Variants in IMMP2L observed in about 807,000 individuals in gnomAD.
IMMP2L encodes the protein inner mitochondrial membrane peptidase subunit 2.
IMMP2L carries 18 observed loss-of-function variants against 19.3 expected under a neutral mutation model. The observed-to-expected ratio is 0.93, with a 90% CI of 0.64 to 1.38. The LOEUF is 1.38. Ranked by LOEUF, IMMP2L falls within the 40% of genes most tolerant of loss-of-function variation. The pLI, the probability that IMMP2L is intolerant of heterozygous loss-of-function variation, is 0.00. For missense variants in IMMP2L, 233 were observed against 218.2 expected (o/e 1.07, Z -0.43); for synonymous variants, 76 against 73.0 (o/e 1.04, Z -0.21).
intron 5 of IMMP2L, among the ~76,000 whole-genome samples, chr7:110,666,514 T>C (rs1791468386): frequency 6.6e-6 from 1 of 152,088 alleles, no homozygotes; most frequent in Non-Finnish European, 1.5e-5. Context: ...GACCTCGTGA[T>C]CCACCAGCCT....
At chr7:110,882,287 G>GCCTGCCTTCCTT (rs1387853201) in intron 5 of IMMP2L, among the ~76,000 whole-genome samples, 9 of 122,066 alleles carry the variant, frequency 7.4e-5, no homozygotes, top group African/African-American at 2.7e-4. Context: ...TTTGTCAAGT[G>GCCTGCCTTCCTT]CCTTCCTTCC....
chr7:110,942,984 T>C (rs1816880430), intron 4 of IMMP2L, among the ~76,000 whole-genome samples: 1 of 151,830 alleles, frequency 6.6e-6, no homozygotes, highest in African/African-American at 2.4e-5. Context: ...GACCACACAA[T>C]CTCTGAAATG....
intron 3 of IMMP2L, among the ~76,000 whole-genome samples, chr7:111,116,834 G>A (rs970509424): frequency 1.3e-5 from 2 of 152,150 alleles, no homozygotes; most frequent in Non-Finnish European, 2.9e-5. Context: ...ACCTTTCTGA[G>A]AAGATACCAA....
At chr7:111,470,727 G>A (rs1268525982) in intron 3 of IMMP2L, among the ~76,000 whole-genome samples, 2 of 134,546 alleles carry the variant, frequency 1.5e-5, no homozygotes, top group Non-Finnish European at 3.2e-5. Context: ...ACTGTTGTGG[G>A]GTGGGGGGGA....
chr7:111,000,381 C>T (rs1472084764), intron 3 of IMMP2L, among the ~76,000 whole-genome samples: 2 of 152,120 alleles, frequency 1.3e-5, no homozygotes, highest in East Asian at 3.9e-4. Flanking sequence ...CATGATAACA[C>T]CCCTTGCTTT....
At chr7:111,163,283 G>T (rs1254596158) in intron 3 of IMMP2L, among the ~76,000 whole-genome samples, 1 of 151,984 alleles carries the variant, frequency 6.6e-6, no homozygotes, top group Non-Finnish European at 1.5e-5. Flanking sequence ...ACAAACCCAC[G>T]TGGCTTCATC....
intron 4 of IMMP2L, among the ~76,000 whole-genome samples, chr7:110,901,583 G>A (rs1047296224): frequency 6.6e-6 from 1 of 152,080 alleles, no homozygotes; most frequent in Non-Finnish European, 1.5e-5. Context: ...CACATTTCAG[G>A]ACTTCTTTTT....
intron 1 of IMMP2L, among the ~76,000 whole-genome samples, chr7:111,559,082 T>C (rs1791717966): frequency 4.6e-5 from 7 of 152,130 alleles, no homozygotes; most frequent in Admixed American, 2.6e-4. Context: ...TAAAACATCA[T>C]ACTAAACCCT....
At chr7:111,053,161 T>G (rs1438929851) in intron 3 of IMMP2L, among the ~76,000 whole-genome samples, 14 of 152,316 alleles carry the variant, frequency 9.2e-5, no homozygotes. Context: ...GAAAGTACAC[T>G]TGGAAGAGGG....
intron 3 of IMMP2L, chr7:111,099,839 C>T (rs1203352165): frequency 6.6e-6 from 1 of 151,412 alleles, no homozygotes; most frequent in East Asian, 1.9e-4. Flanking sequence ...TAAAATTAAA[C>T]TTTTGGGGTT....
At chr7:110,956,470 C>A (rs1818366337) in intron 4 of IMMP2L, among the ~76,000 whole-genome samples, 1 of 151,858 alleles carries the variant, frequency 6.6e-6, no homozygotes, top group Admixed American at 6.6e-5. Flanking sequence ...ACAGTCAGGC[C>A]CATGAACTAA....
chr7:111,447,178 C>T lies in IMMP2L; in HGVS notation c.239+40060G>A, dbSNP rs1460105051. ...ACTTCCCCAATCTAGCAAGGCAGGCCGACGTTCAGATTCAGGAAATACAGA... is the reference window on the plus strand; with the variant it reads ...ACTTCCCCAATCTAGCAAGGCAGGCTGACGTTCAGATTCAGGAAATACAGA... On this transcript the variant is annotated intron_variant, in intron 3 of 5. Coordinates refer to ENST00000405709, the MANE Select transcript of IMMP2L (RefSeq NM_032549.4). 3.8e-3 allele frequency among the ~76,000 whole-genome samples: 555 copies of T among 147,788 alleles called. 2 individuals are homozygous for T. The highest frequency in any genetic ancestry group is 5.2e-3 in the Non-Finnish European group (347 of 67,220).
chr7:111,275,097 A>G (rs1818876739), intron 3 of IMMP2L, among the ~76,000 whole-genome samples: 1 of 152,172 alleles, frequency 6.6e-6, no homozygotes, highest in Admixed American at 6.6e-5. Context: ...TCATGTTGAG[A>G]AAAATGCAAT....
chr7:110,865,282 AC>A (rs1291171214), intron 5 of IMMP2L, among the ~76,000 whole-genome samples: 41 of 152,024 alleles, frequency 2.7e-4, no homozygotes, highest in Non-Finnish European at 4.9e-4. Flanking sequence ...TAAATTTTAA[AC>A]ATCCTCTAAA....
intron 3 of IMMP2L, among the ~76,000 whole-genome samples, chr7:111,055,274 T>C (rs181471530): frequency 1.3e-5 from 2 of 152,236 alleles, no homozygotes; most frequent in East Asian, 3.9e-4. Context: ...CTTGACTTTA[T>C]GGAATGTTCC....
At chr7:111,007,104 G>C (rs1354881099) in intron 3 of IMMP2L, among the ~76,000 whole-genome samples, 1 of 152,078 alleles carries the variant, frequency 6.6e-6, no homozygotes, top group African/African-American at 2.4e-5. Flanking sequence ...GGCTGGGGAG[G>C]CCTCAGGAAG....
rs1831580268 is a variant in IMMP2L, at chr7:111,384,891, T to C, written c.239+102347A>G. 2.6e-5 allele frequency among the ~76,000 whole-genome samples: 4 copies of C among 152,178 alleles called. No individual in the cohort carries two copies. The South Asian group carries it at 6.2e-4, about 24-fold the overall frequency. On this transcript the variant is annotated intron_variant, in intron 3 of 5. Transcript: ENST00000405709. ...AATTTAGAATTTCTAACTTGATTAA[T>C]AATGACAAAACACCTTATAAAGTAT...
chr7:110,769,642 A>G (rs1798905403), intron 5 of IMMP2L, among the ~76,000 whole-genome samples: 2 of 152,194 alleles, frequency 1.3e-5, no homozygotes, highest in African/African-American at 4.8e-5. Context: ...TAAGCTGTCT[A>G]TGGGTGTCAT....
In IMMP2L at chr7:110,728,297, G is replaced by C. The variant is rs533691203; in HGVS notation, c.409-64576C>G. Reference sequence around the variant, plus strand: ...GCAGATGGCTTGAGCTCAGGAGTTTGAAACCAGCCTGGGCAACATGGCAAA... The same window carrying C: ...GCAGATGGCTTGAGCTCAGGAGTTTCAAACCAGCCTGGGCAACATGGCAAA... On this transcript the variant is annotated intron_variant, in intron 5 of 5. Coordinates refer to ENST00000405709, the MANE Select transcript of IMMP2L (RefSeq NM_032549.4). This position sits in a 1 kb window ranked among gnomAD's most constrained non-coding sequence, Gnocchi z 4.6. 1.3e-3 allele frequency among the ~76,000 whole-genome samples: 196 copies of C among 152,190 alleles called. No individual in the cohort carries two copies. The highest frequency in any genetic ancestry group is 4.6e-3 in the African/African-American group (190 of 41,528).
Sources: allele counts gnomAD v4.1 joint callset (sites outside exome capture counted in the v4.1 genomes callset), GRCh38; gene constraint gnomAD v4.1.1; non-coding constraint Gnocchi (gnomAD v3.1); transcripts MANE v1.5; gene names NCBI Gene and HGNC (gene_info 2026-07-23, HGNC 2026-07-21).